Variants in PCGF5 observed in about 807,000 individuals in gnomAD.
PCGF5 encodes polycomb group RING finger protein 5.
A neutral mutation model predicts 44.3 loss-of-function variants in PCGF5; 9 were observed. The ratio of observed to expected loss-of-function variants is 0.20; its 90% CI spans 0.12 to 0.35. The LOEUF (loss-of-function observed/expected upper bound fraction) is 0.35. Ranked by LOEUF, PCGF5 falls within the 10% of genes least tolerant of loss-of-function variation. PCGF5 has a pLI of 1.00. For synonymous variants in PCGF5, 95 were observed against 102.5 expected, an observed-to-expected ratio of 0.93 and a Z score of 0.44; for missense variants, 146 against 305.3, an observed-to-expected ratio of 0.48 and a Z score of 3.89.
intron 9 of PCGF5, among the ~76,000 whole-genome samples, chr10:91,273,945 T>C (rs531095665): frequency 9.9e-4 from 150 of 151,648 alleles, no homozygotes; most frequent in African/African-American, 3.4e-3. Flanking sequence ...CAATGTGAAG[T>C]CCTGATGTTT....
chr10:91,260,785 G>A (rs1225400450), intron 6 of PCGF5, among the ~76,000 whole-genome samples: 1 of 131,492 alleles, frequency 7.6e-6, no homozygotes, highest in East Asian at 2.6e-4. Flanking sequence ...ACAGGAAGGG[G>A]AACATCACAC....
intron 7 of PCGF5, among the ~76,000 whole-genome samples, chr10:91,262,772 A>G (rs1826538987): frequency 6.6e-6 from 1 of 152,220 alleles, no homozygotes; most frequent in Admixed American, 6.5e-5. Flanking sequence ...AGCCCAATGT[A>G]CTTGGTAAAA....
In PCGF5 at chr10:91,281,542, T is replaced by C. The variant is rs1489569709; in HGVS notation, c.*3226T>C. ...TCTTATGAATGGTTTCATATCTAAA[T>C]AGGCTCTTGTAAGTTAATTTTTTTG... On this transcript the variant is annotated 3_prime_UTR_variant, in exon 10 of 10. Transcript: ENST00000336126. 6.6e-6 allele frequency: 1 copy of C among 152,610 alleles called. No individual in the cohort carries two copies. Among genetic ancestry groups the C allele is most frequent in the Non-Finnish European group, 1.5e-5 (1 of 67,988 alleles). The allele number at this position is 152,610 out of a possible 1,614,324, so 9.5% of individuals were successfully genotyped here. A position where few individuals can be genotyped will look rare whatever the true frequency, so the allele number is the denominator to read the frequency against.
rs549976401 is a variant in PCGF5, at chr10:91,240,563, T to C, written c.192T>C (p.Asn64=). 1 of 1,608,500 alleles carries C rather than the reference T, an allele frequency of 6.2e-7. No homozygotes were observed. Among genetic ancestry groups the C allele is most frequent in the East Asian group, 2.2e-5 (1 of 44,694 alleles). Residue 64 remains asparagine (N), a synonymous_variant, in exon 3 of 10, where the codon AAT becomes AAC. Transcript: ENST00000336126. ...PRCGNQVHET[N]PLEMLRLDNT... ...GTGGCAACCAAGTTCATGAGACAAA[T>C]CCATTAGAAATGTTGAGGTAAGGAT...
upstream of PCGF5, chr10:91,163,006 T>A (rs1037362174): frequency 1.4e-5 from 2 of 143,532 alleles, no homozygotes; most frequent in South Asian, 2.1e-4. Context: ...CTCCCTCACC[T>A]ACCGCCCCAC....
chr10:91,237,114 T>C lies in PCGF5; in HGVS notation c.113-3370T>C, dbSNP rs575789979. Among the ~76,000 whole-genome samples the C allele has an allele frequency of 1.7e-4, 26 of 152,330 alleles. No homozygotes were observed. The South Asian group carries it at 5.2e-3, about 30-fold the overall frequency. On this transcript the variant is annotated intron_variant, in intron 2 of 9. Coordinates refer to ENST00000336126, the MANE Select transcript of PCGF5 (RefSeq NM_032373.5). ...TAGACAACTTGCTCAAATTCTCTAC[T>C]CATTTTTTTATCTATAAGAGGCCAA...
chr10:91,236,348 C>A (rs11186513), intron 2 of PCGF5, among the ~76,000 whole-genome samples: 25,478 of 152,088 alleles, frequency 0.17, 4,557 homozygotes, highest in African/African-American at 0.45. Context: ...TGAGGCCAAG[C>A]CTGATATTTG....
chr10:91,228,471 C>CAG (rs1844909465), intron 2 of PCGF5, among the ~76,000 whole-genome samples: 1 of 152,048 alleles, frequency 6.6e-6, no homozygotes, highest in Non-Finnish European at 1.5e-5. Flanking sequence ...GAGATTATGG[C>CAG]AGTAATCCCT....
At chr10:91,200,693 G>T (rs1005136413) in intron 1 of PCGF5, among the ~76,000 whole-genome samples, 4 of 152,170 alleles carry the variant, frequency 2.6e-5, no homozygotes, top group African/African-American at 9.7e-5. Flanking sequence ...CTGGTGAAGA[G>T]TTGGGGGCCT....
chr10:91,197,769 T>A (rs1844166249), intron 1 of PCGF5, among the ~76,000 whole-genome samples: 1 of 152,196 alleles, frequency 6.6e-6, no homozygotes, highest in South Asian at 2.1e-4. Context: ...ACTTTCATTT[T>A]GTTATATTAA....
intron 8 of PCGF5, among the ~76,000 whole-genome samples, chr10:91,269,226 A>G (rs1447714715): frequency 6.6e-6 from 1 of 152,226 alleles, no homozygotes; most frequent in Non-Finnish European, 1.5e-5. Flanking sequence ...TAGTTTCCAC[A>G]TCTATAAATT....
intron 1 of PCGF5, among the ~76,000 whole-genome samples, chr10:91,209,993 C>G (rs1242969465): frequency 6.6e-6 from 1 of 152,190 alleles, no homozygotes; most frequent in Non-Finnish European, 1.5e-5. Context: ...TCCTTTTAAT[C>G]TCTACCATTT....
chr10:91,247,498 T>G (rs1194042812), intron 3 of PCGF5, among the ~76,000 whole-genome samples: 1 of 151,830 alleles, frequency 6.6e-6, no homozygotes, highest in Non-Finnish European at 1.5e-5. Flanking sequence ...AGAAAGGTTT[T>G]GGGGTTTTTT....
chr10:91,248,117 A>G (rs990313232), intron 3 of PCGF5, among the ~76,000 whole-genome samples: 8 of 152,188 alleles, frequency 5.3e-5, no homozygotes, highest in African/African-American at 1.7e-4. Flanking sequence ...AAATAGAGAC[A>G]AAAGCATTTG....
intron 1 of PCGF5, among the ~76,000 whole-genome samples, chr10:91,176,758 A>G (rs994678273): frequency 1.3e-5 from 2 of 152,226 alleles, no homozygotes; most frequent in Admixed American, 6.5e-5. Flanking sequence ...CAGCTCCACC[A>G]GGTCCTTTAA....
upstream of PCGF5, among the ~76,000 whole-genome samples, chr10:91,158,554 A>C (rs1843346041): frequency 6.6e-6 from 1 of 152,178 alleles, no homozygotes; most frequent in African/African-American, 2.4e-5. Context: ...AAGGCAAGTA[A>C]GTTGTGGTTC....
intron 1 of PCGF5, among the ~76,000 whole-genome samples, chr10:91,187,172 A>G (rs1375083552): frequency 6.6e-6 from 1 of 152,154 alleles, no homozygotes; most frequent in African/African-American, 2.4e-5. Flanking sequence ...AAATACTGGT[A>G]TCTGGGACCT....
chr10:91,226,289 T>TAAAAAAAAA (rs66465569), intron 2 of PCGF5, among the ~76,000 whole-genome samples: 4 of 75,120 alleles, frequency 5.3e-5, no homozygotes, highest in East Asian at 4.0e-4. Context: ...TTAAGAAATG[T>TAAAAAAAAA]AAAAAAAAAA....
At chr10:91,183,634 C>T (rs1397896452) in intron 1 of PCGF5, among the ~76,000 whole-genome samples, 1 of 152,070 alleles carries the variant, frequency 6.6e-6, no homozygotes, top group Non-Finnish European at 1.5e-5. Flanking sequence ...ATTTTGCAGA[C>T]ATGTTTATGT....
Sources: gnomAD v4.1 joint callset for allele counts (sites outside exome capture counted in the v4.1 genomes callset) on GRCh38, gnomAD v4.1.1 for gene constraint, MANE v1.5 for transcripts, NCBI Gene and HGNC (gene_info 2026-07-23, HGNC 2026-07-21) for gene names.